The following KCNC2 variants were observed in gnomAD, a reference collection of about 807,000 sequenced individuals.
The protein encoded by KCNC2 is voltage-gated potassium channel KCNC2.
KCNC2 carries 21 observed loss-of-function variants against 44.5 expected under a neutral mutation model. The observed-to-expected ratio is 0.47, with a 90% CI of 0.33 to 0.68. The LOEUF is 0.68. Among genes scored for constraint, KCNC2 ranks in the 30% least tolerant of loss-of-function variants. KCNC2 has a pLI of 0.01. For synonymous variants in KCNC2, 391 were observed against 339.1 expected (o/e 1.15, Z -1.68); for missense variants, 589 against 826.2 (o/e 0.71, Z 3.52).
Position 75,042,391 on chromosome 12 carries a change from A to G in KCNC2, c.*714T>C, listed in dbSNP as rs200994065. On this transcript the variant is annotated 3_prime_UTR_variant, in exon 5 of 5. Coordinates refer to ENST00000549446, the MANE Select transcript of KCNC2 (RefSeq NM_139137.4). The stretch of plus-strand genomic sequence containing the variant: ...TGCAGTTATCTGTGTGCAAACAACC[A>G]GAGACATTCAGAACTCCAATACAGC... 1.2e-3 allele frequency: 1,962 copies of G among 1,609,252 alleles called. 8 individuals are homozygous for G. Among genetic ancestry groups the G allele is most frequent in the Middle Eastern group, 6.5e-3 (39 of 6,036 alleles).
Position 75,042,949 on chromosome 12 carries a change from C to G in KCNC2, c.*156G>C, listed in dbSNP as rs1037869765. On this transcript the variant is annotated 3_prime_UTR_variant, in exon 5 of 5. Coordinates refer to ENST00000549446, the MANE Select transcript of KCNC2 (RefSeq NM_139137.4). ...GCCTGGGTAAGATTCATTAGCTACC[C>G]AAGTGGCATTTCTGACTTCAAATTG... 1.4e-6 allele frequency: 2 copies of G among 1,409,190 alleles called. No homozygotes were observed. Among genetic ancestry groups the G allele is most frequent in the African/African-American group, 1.5e-5 (1 of 68,858 alleles). 87.3% of individuals were successfully genotyped at this position (1,409,190 alleles called of 1,614,324 possible).
Position 75,164,867 on chromosome 12 carries a change from AT to A in KCNC2, c.687+42429del, listed in dbSNP as rs145459735. On this transcript the variant is annotated intron_variant, in intron 2 of 4. Coordinates refer to ENST00000549446, the MANE Select transcript of KCNC2 (RefSeq NM_139137.4). ...AATTAAAATTTATTGAATATTCATT[AT>A]TACTTCAAAAGCCTGTTTAACAAAA... Among the ~76,000 whole-genome samples, 1,937 of 151,830 alleles carry A rather than the reference AT, an allele frequency of 0.013. 167 individuals are homozygous for A. In the East Asian group the frequency reaches 0.22, roughly 18 times the overall value.
intron 2 of KCNC2, among the ~76,000 whole-genome samples, chr12:75,062,263 A>C (rs1882419038): frequency 6.6e-6 from 1 of 152,078 alleles, no homozygotes; most frequent in African/African-American, 2.4e-5. Context: ...ACTGATCAGA[A>C]AGACTCAGAA....
At chr12:75,066,538 G>A (rs1171104691) in intron 2 of KCNC2, among the ~76,000 whole-genome samples, 2 of 152,108 alleles carry the variant, frequency 1.3e-5, no homozygotes, top group Admixed American at 6.5e-5. Flanking sequence ...ATTTTACTGA[G>A]ATGAATAGCA....
chr12:75,201,242 G>T (rs1477744262), intron 2 of KCNC2, among the ~76,000 whole-genome samples: 1 of 43,864 alleles, frequency 2.3e-5, no homozygotes, highest in Non-Finnish European at 4.6e-5. Flanking sequence ...AAAAAGGGCA[G>T]AAAGTTACAA....
intron 2 of KCNC2, among the ~76,000 whole-genome samples, chr12:75,053,690 G>T (rs1189077982): frequency 6.7e-6 from 1 of 149,470 alleles, no homozygotes. Flanking sequence ...TACCAAAGTT[G>T]ATTCCATTTT....
chr12:75,086,164 A>G (rs1161569073), intron 2 of KCNC2, among the ~76,000 whole-genome samples: 3 of 152,180 alleles, frequency 2.0e-5, no homozygotes, highest in Admixed American at 6.6e-5. Context: ...ACCAAAATTC[A>G]AGAAGCTACT....
chr12:75,105,186 G>A (rs1435194609), intron 2 of KCNC2, among the ~76,000 whole-genome samples: 1 of 152,090 alleles, frequency 6.6e-6, no homozygotes, highest in African/African-American at 2.4e-5. Flanking sequence ...CCTCATTGCA[G>A]AGTGACATAT....
chr12:75,054,639 A>G (rs1330490812), intron 2 of KCNC2, among the ~76,000 whole-genome samples: 3 of 152,280 alleles, frequency 2.0e-5, no homozygotes, highest in Admixed American at 2.0e-4. Flanking sequence ...GAGGACAAAA[A>G]GAGGAGAGAA....
chr12:75,191,385 T>C (rs1215491141), intron 2 of KCNC2, among the ~76,000 whole-genome samples: 1 of 151,344 alleles, frequency 6.6e-6, no homozygotes, highest in African/African-American at 2.4e-5. Context: ...GAATTTTCCA[T>C]TGTAAAAATA....
At chr12:75,137,590 A>G (rs1373259636) in intron 2 of KCNC2, among the ~76,000 whole-genome samples, 1 of 152,234 alleles carries the variant, frequency 6.6e-6, no homozygotes, top group African/African-American at 2.4e-5. Flanking sequence ...GCCCCAAAAT[A>G]TTATGTCCCA....
rs1043944856 is a variant in KCNC2, at chr12:75,040,816, A to G, written c.*2289T>C. ...CACTGCCTTAAGTAATTCACAGCAC[A>G]ACCTAATGTGGGCCCATGAAGAGTA... On this transcript the variant is annotated 3_prime_UTR_variant, in exon 5 of 5. Transcript: ENST00000549446. The G allele has an allele frequency of 1.0e-4, 37 of 366,538 alleles. No homozygotes were observed. Among genetic ancestry groups the G allele is most frequent in the African/African-American group, 6.6e-4 (33 of 49,754 alleles). The allele number at this position is 366,538 out of a possible 1,614,324, so 22.7% of individuals were successfully genotyped here. A position where few individuals can be genotyped will look rare whatever the true frequency, so the allele number is the denominator to read the frequency against.
chr12:75,135,922 C>G (rs1415933656), intron 2 of KCNC2, among the ~76,000 whole-genome samples: 1 of 152,000 alleles, frequency 6.6e-6, no homozygotes, highest in African/African-American at 2.4e-5. Flanking sequence ...AGTCTGTAAT[C>G]TACTGAGGAA....
At chr12:75,151,486 A>T (rs1890389262) in intron 2 of KCNC2, among the ~76,000 whole-genome samples, 1 of 151,958 alleles carries the variant, frequency 6.6e-6, no homozygotes, top group South Asian at 2.1e-4. Context: ...AGAATTCCCA[A>T]AGATAAAAAT....
At chr12:75,202,826 C>T (rs2031392514) in intron 2 of KCNC2, among the ~76,000 whole-genome samples, 1 of 149,058 alleles carries the variant, frequency 6.7e-6, no homozygotes, top group Admixed American at 6.7e-5. Context: ...GTATTTTTAA[C>T]ACCTCTAGAA....
chr12:75,110,909 C>G (rs768307066), intron 2 of KCNC2, among the ~76,000 whole-genome samples: 1 of 152,046 alleles, frequency 6.6e-6, no homozygotes, highest in African/African-American at 2.4e-5. Flanking sequence ...CACTAAAATT[C>G]TCTTGTTTTC....
chr12:75,136,264 C>T (rs1889222814), intron 2 of KCNC2, among the ~76,000 whole-genome samples: 1 of 151,782 alleles, frequency 6.6e-6, no homozygotes, highest in African/African-American at 2.4e-5. Context: ...TAACCTAATA[C>T]TGCACCTCAA....
intron 2 of KCNC2, among the ~76,000 whole-genome samples, chr12:75,187,048 T>C (rs779873806): frequency 5.3e-5 from 8 of 152,204 alleles, no homozygotes; most frequent in Non-Finnish European, 7.4e-5. Flanking sequence ...ACCTCTTCCT[T>C]TTTTTAAAAA....
At chr12:75,201,787 C>T (rs2031299543) in intron 2 of KCNC2, among the ~76,000 whole-genome samples, 1 of 151,858 alleles carries the variant, frequency 6.6e-6, no homozygotes, top group Non-Finnish European at 1.5e-5. Context: ...GACTGCTCTT[C>T]TCGAAGAAAA....
Sources: allele counts gnomAD v4.1 joint callset (sites outside exome capture counted in the v4.1 genomes callset), GRCh38; gene constraint gnomAD v4.1.1; transcripts MANE v1.5; gene names NCBI Gene and HGNC (gene_info 2026-07-23, HGNC 2026-07-21).